The following POLD1 variants were observed in gnomAD, a reference collection of about 807,000 sequenced individuals.
POLD1 encodes DNA polymerase delta catalytic subunit.
POLD1 carries 79 observed loss-of-function variants against 129.7 expected under a neutral mutation model. That is an observed-to-expected ratio of 0.61 (90% CI 0.51 to 0.73). The LOEUF is 0.73. Among genes scored for constraint, POLD1 ranks in the 30% least tolerant of loss-of-function variants. POLD1 has a pLI of 0.00. For missense variants in POLD1, 1,338 were observed against 1,595.8 expected (o/e 0.84, Z 2.75); for synonymous variants, 714 against 683.3 (o/e 1.04, Z -0.70).
In POLD1 at chr19:50,416,636, G is replaced by T; in HGVS notation, c.2980G>T (p.Val994Leu). The T allele has an allele frequency of 6.4e-7, 1 of 1,565,946 alleles. No individual in the cohort carries two copies. The highest frequency in any genetic ancestry group is 8.6e-7 in the Non-Finnish European group (1 of 1,159,842). Reference protein sequence around the residue: ...LRGDHTRCKTVLTGKVGGLLA... With the variant: ...LRGDHTRCKTLLTGKVGGLLA... ...GGGGGACCACACGCGCTGCAAGACGGTGCTCACGGGCAAGGTGGGCGGCCT... is the reference window on the plus strand; with the variant it reads ...GGGGGACCACACGCGCTGCAAGACGTTGCTCACGGGCAAGGTGGGCGGCCT... Residue 994 changes from valine to leucine, a missense_variant, in exon 24 of 27, where the codon GTG (valine) becomes TTG (leucine). This residue lies in a region of POLD1 where 286 missense variants were observed against 277.5 expected (regional missense o/e 1.03). Transcript: ENST00000440232.
chr19:50,405,251 G>A (rs2038833796), intron 10 of POLD1, among the ~76,000 whole-genome samples: 1 of 152,148 alleles, frequency 6.6e-6, no homozygotes, highest in Admixed American at 6.5e-5. Context: ...GTGAGGTGAG[G>A]GCCCACCCCA....
intron 17 of POLD1, among the ~76,000 whole-genome samples, chr19:50,411,300 C>T (rs538381765): frequency 8.9e-4 from 136 of 152,278 alleles, no homozygotes; most frequent in East Asian, 4.1e-3. Flanking sequence ...TCACAGTCCC[C>T]GGCTGCCTCC....
chr19:50,387,364 A>G (rs2038007440), intron 1 of POLD1, among the ~76,000 whole-genome samples: 1 of 152,144 alleles, frequency 6.6e-6, no homozygotes, highest in African/African-American at 2.4e-5. Flanking sequence ...ACTCATCGAG[A>G]AAACTGGTGT....
At chr19:50,395,675 G>A (rs1480692905) in intron 1 of POLD1, among the ~76,000 whole-genome samples, 1 of 151,830 alleles carries the variant, frequency 6.6e-6, no homozygotes, top group Non-Finnish European at 1.5e-5. Flanking sequence ...GATTTGCATG[G>A]ATGTTTCTTA....
At position 50,407,013 on chromosome 19, in the gene POLD1, G is replaced by C; in HGVS notation, c.1525G>C (p.Ala509Pro). The change falls in exon 13 of 27, where the codon GCT becomes CCT. Residue 509 changes from alanine to proline, a missense_variant. Ala to Pro is a conservative substitution (Grantham distance 27). Around this residue, in one of 3 missense-constraint regions of POLD1, gnomAD observed 720 missense variants for 1,002.6 expected, o/e 0.72. Coordinates refer to ENST00000440232, the MANE Select transcript of POLD1 (RefSeq NM_002691.4). The part of the protein sequence containing the change: ...NGNDQTRRRL[A>P]VYCLKDAYLP... ...GAACGACCAGACCCGCCGCCGCCTG[G>C]CTGTGTACTGCCTGAAGGATGCCTA... 6.2e-7 allele frequency: 1 copy of C among 1,612,654 alleles called. No individual in the cohort carries two copies. The highest frequency in any genetic ancestry group is 8.5e-7 in the Non-Finnish European group (1 of 1,179,628).
Position 50,402,503 on chromosome 19 carries a change from G to C in POLD1, c.808G>C (p.Ala270Pro), listed in dbSNP as rs780722155. Residue 270 changes from alanine to proline, a missense_variant, in exon 7 of 27, where the codon GCT (alanine) becomes CCT (proline). Physicochemically the swap from Ala to Pro is conservative, Grantham distance 27. Coordinates refer to ENST00000440232, the MANE Select transcript of POLD1 (RefSeq NM_002691.4). ...IVGCNWLELP[A>P]GKYALRLKEK... ...CGGCTGCAACTGGCTGGAGCTCCCA[G>C]CTGGGAAATACGCCCTGAGGCTGAA... The C allele has an allele frequency of 1.2e-6, 2 of 1,610,302 alleles. No individual in the cohort carries two copies. The highest frequency in any genetic ancestry group is 1.1e-5 in the South Asian group (1 of 90,382).
rs141976385 is a variant in POLD1, at chr19:50,402,056, G to C, written c.521G>C (p.Arg174Pro). The C allele has an allele frequency of 6.2e-7, 1 of 1,614,112 alleles. No individual in the cohort carries two copies. Among genetic ancestry groups the C allele is most frequent in the Non-Finnish European group, 8.5e-7 (1 of 1,179,990 alleles). ...LQRELNLAIS[R>P]DSRGGRELTG... ...CGGGAGCTGAACTTGGCCATCAGCC[G>C]GGACAGTCGCGGGGGGAGGGAGCTG... The change falls in exon 5 of 27, where the codon CGG (arginine) becomes CCG (proline). Residue 174 changes from arginine to proline, a missense_variant. Coordinates refer to ENST00000440232, the MANE Select transcript of POLD1 (RefSeq NM_002691.4).
intron 1 of POLD1, among the ~76,000 whole-genome samples, chr19:50,386,338 A>C (rs944018619): frequency 1.3e-5 from 2 of 151,608 alleles, no homozygotes; most frequent in Non-Finnish European, 2.9e-5. Flanking sequence ...GGGTTTTGTC[A>C]TGTTGCCCAG....
rs2122491846 is a variant in POLD1, at chr19:50,416,487, A to T, written c.2912A>T (p.Glu971Val). ...GCCAAGCCCCTCCTGCGCATCTTCGAGCCCATCCTGGGCGAGGGCCGTGCC... is the reference window on the plus strand; with the variant it reads ...GCCAAGCCCCTCCTGCGCATCTTCGTGCCCATCCTGGGCGAGGGCCGTGCC... Reference protein sequence around the residue: ...QLAKPLLRIFEPILGEGRAEA... With the variant: ...QLAKPLLRIFVPILGEGRAEA... Residue 971 changes from glutamate to valine, a missense_variant, in exon 23 of 27, where the codon GAG becomes GTG. Physicochemically the swap from Glu to Val is moderately radical, Grantham distance 121. Coordinates refer to ENST00000440232, the MANE Select transcript of POLD1 (RefSeq NM_002691.4). The T allele has an allele frequency of 6.4e-7, 1 of 1,552,170 alleles. No homozygotes were observed. Among genetic ancestry groups the T allele is most frequent in the Non-Finnish European group, 8.7e-7 (1 of 1,148,548 alleles).
At chr19:50,398,783 A>T in intron 1 of POLD1, 68 bp from the exon 2 acceptor site, 1 of 1,557,904 alleles carries the variant, frequency 6.4e-7, no homozygotes, top group Non-Finnish European at 8.6e-7. Context: ...GGTGCATGGG[A>T]TGCCATGGAG....
chr19:50,417,044 G>T lies in POLD1; in HGVS notation c.3068-1G>T. Reference sequence around the variant, plus strand: ...ACTTGGGCTGACCCGCCTCCCCACAGGAGCCGTGTGTGAGTTCTGCCAGCC... The same window carrying T: ...ACTTGGGCTGACCCGCCTCCCCACATGAGCCGTGTGTGAGTTCTGCCAGCC... On this transcript the variant is annotated splice_acceptor_variant, in intron 24 of 26. Transcript: ENST00000440232. LOFTEE classifies it high-confidence loss of function. 6.4e-7 allele frequency: 1 copy of T among 1,550,474 alleles called. No individual in the cohort carries two copies. The highest frequency in any genetic ancestry group is 8.7e-7 in the Non-Finnish European group (1 of 1,146,852).
At chr19:50,403,766 C>G (rs1192597144) in intron 10 of POLD1, among the ~76,000 whole-genome samples, 169 bp downstream of exon 10, 1 of 152,150 alleles carries the variant, frequency 6.6e-6, no homozygotes, top group African/African-American at 2.4e-5. Flanking sequence ...TGCTCCAAGT[C>G]GAAAAAGTTA....
At chr19:50,394,548 G>T (rs1167985317) in intron 1 of POLD1, among the ~76,000 whole-genome samples, 1 of 152,132 alleles carries the variant, frequency 6.6e-6, no homozygotes, top group African/African-American at 2.4e-5. Context: ...CCAGCTACTC[G>T]GGAGGCTGAG....
intron 17 of POLD1, chr19:50,411,055 T>C (rs1450661558): frequency 6.7e-6 from 1 of 148,630 alleles, no homozygotes; most frequent in Non-Finnish European, 1.5e-5. Flanking sequence ...CCTCCGGGAC[T>C]CAGGTGAGCC....
chr19:50,406,112 C>T lies in POLD1; in HGVS notation c.1243-70C>T, dbSNP rs2122313328. On this transcript the variant is annotated intron_variant, in intron 10 of 26. Coordinates refer to ENST00000440232, the MANE Select transcript of POLD1 (RefSeq NM_002691.4). This position sits in a 1 kb window ranked among gnomAD's most constrained non-coding sequence, Gnocchi z 5.5. ...GTTATAAGGATGTTGTGGTTGGTCT[C>T]AATCTCCGTTCTTCAGGCTTATGTG... 1 of 1,560,498 alleles carries T rather than the reference C, an allele frequency of 6.4e-7. No individual in the cohort carries two copies. Among genetic ancestry groups the T allele is most frequent in the Non-Finnish European group, 8.7e-7 (1 of 1,145,428 alleles).
Position 50,415,443 on chromosome 19 carries a change from C to T in POLD1, c.2570C>T (p.Pro857Leu), listed in dbSNP as rs776013537. The T allele has an allele frequency of 3.7e-6, 6 of 1,612,396 alleles. No individual in the cohort carries two copies. The African/African-American group carries it at 8.0e-5, about 22-fold the overall frequency. ...SLRRLLIDRD[P>L]EGAVAHAQDV... ...TGCGGCCCGCTCTCCTACAGAGACC[C>T]TGAGGGCGCGGTGGCTCACGCACAG... Residue 857 changes from proline (P) to leucine (L), a missense_variant, in exon 21 of 27, where the codon CCT becomes CTT. Pro to Leu is a moderately conservative substitution (Grantham distance 98). Transcript: ENST00000440232.
intron 1 of POLD1, among the ~76,000 whole-genome samples, chr19:50,391,403 G>T (rs2038162109): frequency 6.6e-6 from 1 of 152,192 alleles, no homozygotes. Context: ...TCCAGCCTGG[G>T]CACCATTGAG....
chr19:50,415,138 G>C (rs995597815), intron 20 of POLD1, 148 bp downstream of exon 20: 4 of 738,392 alleles, frequency 5.4e-6, no homozygotes, highest in Non-Finnish European at 8.3e-6. Flanking sequence ...CGGGGTCAGG[G>C]CCCCCAGCCC....
chr19:50,404,452 CGG>C (rs2038790790), intron 10 of POLD1, among the ~76,000 whole-genome samples: 1 of 147,548 alleles, frequency 6.8e-6, no homozygotes, highest in South Asian at 2.1e-4. Flanking sequence ...TTAGTAGAGA[CGG>C]GGTTTCACTG....
Sources: gnomAD v4.1 joint callset for allele counts (sites outside exome capture counted in the v4.1 genomes callset) on GRCh38, gnomAD v4.1.1 for gene constraint, gnomAD v4.1.1 regional missense constraint, Gnocchi (gnomAD v3.1) non-coding constraint, MANE v1.5 for transcripts, NCBI Gene and HGNC (gene_info 2026-07-23, HGNC 2026-07-21) for gene names.